TBC1D22A: variants seen among roughly 807,000 people sequenced by gnomAD.
TBC1D22A encodes the protein TBC1 domain family member 22A, also known as putative GTPase activator.
In TBC1D22A, 38 loss-of-function variants were observed where a neutral mutation model predicts 60.2. That is an observed-to-expected ratio of 0.63 (90% CI 0.49 to 0.83). The LOEUF (loss-of-function observed/expected upper bound fraction) is 0.83, where lower values mean the gene tolerates loss of function less well. Ranked by LOEUF, TBC1D22A falls within the 40% of genes least tolerant of loss-of-function variation. TBC1D22A has a pLI of 0.00. For missense variants in TBC1D22A, 628 were observed against 701.0 expected (o/e 0.90, Z 1.18); for synonymous variants, 302 against 281.7 (o/e 1.07, Z -0.72).
intron 8 of TBC1D22A, among the ~76,000 whole-genome samples, chr22:46,939,121 A>T (rs1183471103): frequency 6.7e-6 from 1 of 149,598 alleles, no homozygotes; most frequent in African/African-American, 2.5e-5. Flanking sequence ...AGAATTTAGA[A>T]TTTTTTATTT....
chr22:47,147,953 G>A (rs969523996), intron 12 of TBC1D22A, among the ~76,000 whole-genome samples: 3 of 152,158 alleles, frequency 2.0e-5, no homozygotes, highest in Non-Finnish European at 4.4e-5. Flanking sequence ...AGGCTGTGCT[G>A]CTCCTGGGAG....
At chr22:46,897,669 T>TTTTG (rs2068759892) in intron 7 of TBC1D22A, among the ~76,000 whole-genome samples, 1 of 117,892 alleles carries the variant, frequency 8.5e-6, no homozygotes, top group African/African-American at 2.8e-5. Context: ...TTTTTTTTTT[T>TTTTG]AGTTCTAGGA....
chr22:46,847,924 T>TGG (rs1345871807), intron 4 of TBC1D22A, among the ~76,000 whole-genome samples: 1,988 of 96,402 alleles, frequency 0.021, 41 homozygotes, highest in African/African-American at 0.07. Context: ...AGTGGGTGTG[T>TGG]GTGTGTGTGT....
chr22:46,897,497 T>C (rs2068737161), intron 7 of TBC1D22A, among the ~76,000 whole-genome samples: 1 of 152,152 alleles, frequency 6.6e-6, no homozygotes, highest in South Asian at 2.1e-4. Flanking sequence ...ACCAGGCTGC[T>C]AGGTTGCTGG....
intron 11 of TBC1D22A, among the ~76,000 whole-genome samples, chr22:47,040,690 AC>A (rs1276697449): frequency 6.6e-6 from 1 of 151,916 alleles, no homozygotes; most frequent in Non-Finnish European, 1.5e-5. Flanking sequence ...GTGGGAGGTT[AC>A]CCCGTGCGGG....
chr22:46,927,106 G>A (rs2071090652), intron 8 of TBC1D22A, among the ~76,000 whole-genome samples: 1 of 152,138 alleles, frequency 6.6e-6, no homozygotes, highest in South Asian at 2.1e-4. Context: ...CATTCTATGT[G>A]GCCGATATTA....
intron 1 of TBC1D22A, among the ~76,000 whole-genome samples, chr22:46,778,017 G>C (rs1373929680): frequency 6.6e-6 from 1 of 152,212 alleles, no homozygotes; most frequent in African/African-American, 2.4e-5. Context: ...TCACACAATG[G>C]TTGGTATTTT....
At chr22:47,067,500 A>G (rs1170681916) in intron 11 of TBC1D22A, among the ~76,000 whole-genome samples, 4 of 152,216 alleles carry the variant, frequency 2.6e-5, no homozygotes, top group Admixed American at 6.5e-5. Flanking sequence ...CACCCTTTGC[A>G]ACGATGCTCC....
intron 5 of TBC1D22A, among the ~76,000 whole-genome samples, chr22:46,890,819 C>T (rs769458096): frequency 2.6e-5 from 4 of 151,882 alleles, no homozygotes; most frequent in Admixed American, 1.3e-4. Context: ...TATATGCATG[C>T]GTGTATATGT....
intron 12 of TBC1D22A, among the ~76,000 whole-genome samples, chr22:47,120,340 A>G (rs5767512): frequency 0.021 from 3,254 of 152,306 alleles, 124 homozygotes; most frequent in African/African-American, 0.072. Flanking sequence ...TGAGATCAGG[A>G]CGATTTCTTC....
intron 4 of TBC1D22A, among the ~76,000 whole-genome samples, chr22:46,805,795 A>AC (rs1411336142): frequency 1.9e-5 from 2 of 106,560 alleles, no homozygotes; most frequent in African/African-American, 3.6e-5. Flanking sequence ...GCCCCCCCAC[A>AC]CCCCCCACCC....
At chr22:46,954,456 C>T (rs192898611) in intron 8 of TBC1D22A, among the ~76,000 whole-genome samples, 1 of 152,206 alleles carries the variant, frequency 6.6e-6, no homozygotes, top group South Asian at 2.1e-4. Context: ...TTGTTCAAGG[C>T]GGAGAGTTGT....
At chr22:46,853,884 C>CT (rs1178373633) in intron 4 of TBC1D22A, among the ~76,000 whole-genome samples, 1 of 152,176 alleles carries the variant, frequency 6.6e-6, no homozygotes, top group Non-Finnish European at 1.5e-5. Context: ...ACATGAGACT[C>CT]TTTTCTGCCT....
At chr22:46,878,576 G>A in intron 4 of TBC1D22A, 77 bp from the exon 5 acceptor site, 1 of 1,216,704 alleles carries the variant, frequency 8.2e-7, no homozygotes, top group East Asian at 2.3e-5. Context: ...TAAACAGGTG[G>A]AATGTGTTAA....
intron 5 of TBC1D22A, among the ~76,000 whole-genome samples, chr22:46,879,032 T>G (rs1777838562): frequency 6.6e-6 from 1 of 152,192 alleles, no homozygotes; most frequent in Non-Finnish European, 1.5e-5. Flanking sequence ...TAGATGGTTG[T>G]TTCAACTCCG....
At chr22:46,924,111 A>C (rs1359017221) in intron 8 of TBC1D22A, among the ~76,000 whole-genome samples, 1 of 152,236 alleles carries the variant, frequency 6.6e-6, no homozygotes, top group Non-Finnish European at 1.5e-5. Context: ...TTTTTAGCAG[A>C]GCAAGAAACA....
intron 8 of TBC1D22A, among the ~76,000 whole-genome samples, chr22:46,940,381 T>C (rs978610256): frequency 2.8e-3 from 352 of 126,272 alleles, no homozygotes; most frequent in Middle Eastern, 0.012. Flanking sequence ...AGCATGGAGG[T>C]TGGGGCACCA....
chr22:47,124,912 G>C (rs1251065134), intron 12 of TBC1D22A, among the ~76,000 whole-genome samples: 1 of 152,150 alleles, frequency 6.6e-6, no homozygotes, highest in Non-Finnish European at 1.5e-5. Flanking sequence ...GACAAAGATG[G>C]TGCCTGCAGA....
At chr22:47,033,021 A>ACTG (rs1213727718) in intron 10 of TBC1D22A, among the ~76,000 whole-genome samples, 1 of 152,248 alleles carries the variant, frequency 6.6e-6, no homozygotes, top group Admixed American at 6.5e-5. Flanking sequence ...CAAGTAGCCA[A>ACTG]CTGCTCCTTC....
Sources: gnomAD v4.1 joint callset for allele counts (sites outside exome capture counted in the v4.1 genomes callset) on GRCh38, gnomAD v4.1.1 for gene constraint, MANE v1.5 for transcripts, NCBI Gene and HGNC (gene_info 2026-07-23, HGNC 2026-07-21) for gene names.